The following GRIA4 variants were observed in gnomAD, a reference collection of about 807,000 sequenced individuals.
GRIA4 encodes the protein glutamate ionotropic receptor AMPA type subunit 4, also known as glutamate receptor 4.
In GRIA4, 34 loss-of-function variants were observed where a neutral mutation model predicts 104.0. That is an observed-to-expected ratio of 0.33 (90% CI 0.25 to 0.44). The LOEUF (loss-of-function observed/expected upper bound fraction) is 0.44, where lower values mean the gene tolerates loss of function less well. Ranked by LOEUF, GRIA4 falls within the 20% of genes least tolerant of loss-of-function variation. The pLI is 1.00. For synonymous variants in GRIA4, 386 were observed against 381.9 expected (o/e 1.01, Z -0.13); for missense variants, 750 against 1,096.5 (o/e 0.68, Z 4.46).
chr11:105,615,026 T>C (rs1950565867), intron 3 of GRIA4, among the ~76,000 whole-genome samples: 1 of 152,004 alleles, frequency 6.6e-6, no homozygotes, highest in African/African-American at 2.4e-5. Context: ...AAATTTGTCA[T>C]GTTAGATTAA....
At chr11:105,657,478 A>C (rs1432218335) in intron 3 of GRIA4, among the ~76,000 whole-genome samples, 1 of 152,024 alleles carries the variant, frequency 6.6e-6, no homozygotes, top group Non-Finnish European at 1.5e-5. Context: ...AAAGAAAAGA[A>C]GTTATTCTTC....
At chr11:105,621,472 GATA>G (rs1353170887) in intron 3 of GRIA4, among the ~76,000 whole-genome samples, 3 of 150,676 alleles carry the variant, frequency 2.0e-5, no homozygotes, top group Non-Finnish European at 4.4e-5. Context: ...TATTTAATAA[GATA>G]ATATTTTATA....
chr11:105,755,070 G>A (rs1940222597), intron 4 of GRIA4, among the ~76,000 whole-genome samples: 1 of 152,068 alleles, frequency 6.6e-6, no homozygotes, highest in Admixed American at 6.5e-5. Context: ...ACAATGTTCT[G>A]GGTGGTATAA....
chr11:105,691,935 CAAAA>C (rs202074069), intron 3 of GRIA4, among the ~76,000 whole-genome samples: 5 of 76,338 alleles, frequency 6.5e-5, no homozygotes, highest in African/African-American at 1.1e-4. Context: ...AACTCCGTCT[CAAAA>C]AAAAAAAAAA....
chr11:105,720,450 C>T (rs1005022762), intron 3 of GRIA4, among the ~76,000 whole-genome samples: 1 of 151,828 alleles, frequency 6.6e-6, no homozygotes, highest in Admixed American at 6.6e-5. Flanking sequence ...AAATATGTGG[C>T]CTATGAAATG....
At chr11:105,779,646 A>C (rs955185190) in intron 4 of GRIA4, among the ~76,000 whole-genome samples, 10 of 151,884 alleles carry the variant, frequency 6.6e-5, no homozygotes, top group Admixed American at 1.3e-4. Flanking sequence ...AAAAAAAAAA[A>C]CAACAAAAAA....
intron 3 of GRIA4, among the ~76,000 whole-genome samples, chr11:105,748,737 C>G (rs550360525): frequency 6.6e-6 from 1 of 152,222 alleles, no homozygotes; most frequent in East Asian, 1.9e-4. Context: ...AAGGCCAACC[C>G]AGGTTCAAGT....
intron 14 of GRIA4, among the ~76,000 whole-genome samples, chr11:105,959,393 C>T (rs764057346): frequency 3.9e-5 from 6 of 152,068 alleles, no homozygotes; most frequent in African/African-American, 7.2e-5. Flanking sequence ...TTGGTCGATT[C>T]GGCTGTTGAT....
At chr11:105,672,098 T>C (rs1031719113) in intron 3 of GRIA4, among the ~76,000 whole-genome samples, 2 of 152,154 alleles carry the variant, frequency 1.3e-5, no homozygotes, top group Admixed American at 6.6e-5. Context: ...ACATTTTGTA[T>C]GACATGGCAC....
At chr11:105,649,478 T>C (rs530337356) in intron 3 of GRIA4, among the ~76,000 whole-genome samples, 18 of 152,306 alleles carry the variant, frequency 1.2e-4, no homozygotes, top group Admixed American at 2.6e-4. Context: ...TCAATTCTAT[T>C]TGATAGACAA....
In GRIA4 at chr11:105,934,803, A is replaced by G. The variant is rs1195691289; in HGVS notation, c.2294+834A>G. On this transcript the variant is annotated intron_variant, in intron 14 of 16. Coordinates refer to ENST00000282499, the MANE Select transcript of GRIA4 (RefSeq NM_000829.4). ...GGAGGCAGAATTTCCTCTTTTCCTT[A>G]AGCAATAAAGGCTGCTGTTGAATTG... Among the ~76,000 whole-genome samples, 7 of 152,226 alleles carry G rather than the reference A, an allele frequency of 4.6e-5. No homozygotes were observed. In the East Asian group the frequency reaches 1.4e-3, roughly 29 times the overall value.
At chr11:105,700,934 A>G (rs1953466666) in intron 3 of GRIA4, among the ~76,000 whole-genome samples, 1 of 152,142 alleles carries the variant, frequency 6.6e-6, no homozygotes. Flanking sequence ...TTCAGGTGTC[A>G]TGAAAGGCTA....
intron 14 of GRIA4, among the ~76,000 whole-genome samples, chr11:105,958,177 C>T (rs1565365576): frequency 6.6e-6 from 1 of 152,166 alleles, no homozygotes; most frequent in African/African-American, 2.4e-5. Flanking sequence ...AGAGGGCACC[C>T]CTGTCTTGTG....
At chr11:105,942,499 A>G (rs757147669) in intron 14 of GRIA4, among the ~76,000 whole-genome samples, 1 of 151,892 alleles carries the variant, frequency 6.6e-6, no homozygotes, top group African/African-American at 2.4e-5. Context: ...GGTATGTTAA[A>G]CCCTCTTATG....
intron 5 of GRIA4, among the ~76,000 whole-genome samples, chr11:105,863,063 T>C (rs1945284541): frequency 6.6e-6 from 1 of 152,208 alleles, no homozygotes; most frequent in East Asian, 1.9e-4. Context: ...GGTTAGTTTT[T>C]TACATATAGC....
chr11:105,849,037 A>G (rs1944700541), intron 4 of GRIA4, among the ~76,000 whole-genome samples: 1 of 152,104 alleles, frequency 6.6e-6, no homozygotes, highest in Non-Finnish European at 1.5e-5. Context: ...TAAAAATCCA[A>G]AAATATTAGC....
chr11:105,671,052 C>G (rs775771985), intron 3 of GRIA4, among the ~76,000 whole-genome samples: 1 of 152,096 alleles, frequency 6.6e-6, no homozygotes, highest in African/African-American at 2.4e-5. Flanking sequence ...TCACATCTTC[C>G]CCTTTTACCA....
intron 3 of GRIA4, among the ~76,000 whole-genome samples, chr11:105,679,590 T>C (rs1952645549): frequency 6.6e-6 from 1 of 152,046 alleles, no homozygotes; most frequent in African/African-American, 2.4e-5. Context: ...TATACTGCAA[T>C]GAAATACTAT....
intron 10 of GRIA4, among the ~76,000 whole-genome samples, chr11:105,916,273 G>A (rs1283307110): frequency 6.6e-6 from 1 of 152,092 alleles, no homozygotes; most frequent in African/African-American, 2.4e-5. Context: ...TGAACAACTG[G>A]CTTAACCTCC....
Sources: allele counts gnomAD v4.1 joint callset (sites outside exome capture counted in the v4.1 genomes callset), GRCh38; gene constraint gnomAD v4.1.1; transcripts MANE v1.5; gene names NCBI Gene and HGNC (gene_info 2026-07-23, HGNC 2026-07-21).